CD55: variants seen among roughly 807,000 people sequenced by gnomAD.
CD55 encodes CD55 molecule (Cromer blood group).
Under a neutral mutation model 45.8 loss-of-function variants are expected in CD55, and 41 were observed. The ratio of observed to expected loss-of-function variants is 0.90; its 90% CI spans 0.70 to 1.16. The LOEUF (loss-of-function observed/expected upper bound fraction) is 1.16. CD55 is among the 50% of genes most tolerant of loss of function. The pLI is 0.00. For synonymous variants in CD55, 181 were observed against 181.1 expected (o/e 1.00, Z 0.01); for missense variants, 416 against 469.8 (o/e 0.89, Z 1.06).
At position 207,348,515 on chromosome 1, in the gene CD55, G is replaced by A. The variant is rs543056230; in HGVS notation, c.1081+9098G>A. On this transcript the variant is annotated intron_variant, in intron 9 of 9. Transcript: ENST00000367064. ...TGCAAATATTTTCTCCTTTTCTGTAGGTTGTCTGTTTTCTCTGTTGATATA... is the reference window on the plus strand; with the variant it reads ...TGCAAATATTTTCTCCTTTTCTGTAAGTTGTCTGTTTTCTCTGTTGATATA... Among the ~76,000 whole-genome samples, 28 of 152,154 alleles carry A rather than the reference G, an allele frequency of 1.8e-4. 1 individual carries two copies. The highest frequency in any genetic ancestry group is 6.3e-4 in the African/African-American group (26 of 41,504).
intron 9 of CD55, among the ~76,000 whole-genome samples, chr1:207,356,100 C>T (rs1252742899): frequency 6.6e-6 from 1 of 152,102 alleles, no homozygotes; most frequent in Non-Finnish European, 1.5e-5. Flanking sequence ...ATTTTAATTG[C>T]TCATGTTTCT....
Position 207,359,806 on chromosome 1 carries a change from C to A in CD55, c.*196C>A. ...TCCTGGAATCACATTCTTAGCACAC[C>A]TACACCTCTTGAAAATAGAACAACT... On this transcript the variant is annotated 3_prime_UTR_variant, in exon 10 of 10. Transcript: ENST00000367064. The A allele has an allele frequency of 2.1e-6, 1 of 479,282 alleles. No individual in the cohort carries two copies. Among genetic ancestry groups the A allele is most frequent in the Non-Finnish European group, 3.4e-6 (1 of 292,548 alleles). 29.7% of individuals were successfully genotyped at this position (479,282 alleles called of 1,614,324 possible).
chr1:207,330,911 A>G (rs1011653357), intron 5 of CD55, among the ~76,000 whole-genome samples, 197 bp from the exon 6 acceptor site: 2 of 152,160 alleles, frequency 1.3e-5, no homozygotes, highest in Non-Finnish European at 2.9e-5. Context: ...TGTCTTCTAC[A>G]CCATTTGCAT....
At position 207,360,850 on chromosome 1, in the gene CD55, G is replaced by T. The variant is rs1450097952; in HGVS notation, c.*1240G>T. The stretch of plus-strand genomic sequence containing the variant: ...GATTTATTATGGCAATGTTTATTTT[G>T]TCATTTTGCTTCATCTGTTTTGTTG... On this transcript the variant is annotated 3_prime_UTR_variant, in exon 10 of 10. Coordinates refer to ENST00000367064, the MANE Select transcript of CD55 (RefSeq NM_000574.5). 6.6e-6 allele frequency: 1 copy of T among 151,990 alleles called. No homozygotes were observed. Among genetic ancestry groups the T allele is most frequent in the Non-Finnish European group, 1.5e-5 (1 of 67,950 alleles). The allele number at this position is 151,990 out of a possible 1,614,324, so 9.4% of individuals were successfully genotyped here. A position where few individuals can be genotyped will look rare whatever the true frequency, so the allele number is the denominator to read the frequency against.
chr1:207,339,302 C>G (rs1362172949), intron 8 of CD55, 95 bp from the exon 9 acceptor site: 1 of 817,336 alleles, frequency 1.2e-6, no homozygotes, highest in Non-Finnish European at 2.0e-6. Flanking sequence ...TTCGAGTTTT[C>G]TAGTGTAGTT....
At chr1:207,339,089 A>G (rs1447860976) in intron 8 of CD55, among the ~76,000 whole-genome samples, 2 of 152,150 alleles carry the variant, frequency 1.3e-5, no homozygotes, top group Admixed American at 1.3e-4. Context: ...GTTTTCAAAC[A>G]TGTTTCTTGC....
chr1:207,343,075 T>C (rs1434330274), intron 9 of CD55, among the ~76,000 whole-genome samples: 3 of 152,104 alleles, frequency 2.0e-5, no homozygotes, highest in African/African-American at 7.2e-5. Context: ...TTGGGGCTTC[T>C]CTCTTTTTTT....
chr1:207,353,336 T>A (rs1052864179), intron 9 of CD55, among the ~76,000 whole-genome samples: 1 of 152,110 alleles, frequency 6.6e-6, no homozygotes, highest in African/African-American at 2.4e-5. Flanking sequence ...GACTAATAGA[T>A]CAATTTAAAG....
chr1:207,358,343 A>C (rs1237111458), intron 9 of CD55, among the ~76,000 whole-genome samples: 4 of 152,194 alleles, frequency 2.6e-5, no homozygotes, highest in Admixed American at 2.6e-4. Context: ...TCATTTAATG[A>C]TTCTTCATGT....
intron 9 of CD55, chr1:207,340,826 G>T (rs1655394968): frequency 2.4e-6 from 1 of 408,886 alleles, no homozygotes; most frequent in Non-Finnish European, 4.3e-6. Context: ...GGGATTGCTG[G>T]ATCCTAAGAT....
intron 5 of CD55, among the ~76,000 whole-genome samples, chr1:207,330,154 G>A (rs1654877190): frequency 6.6e-6 from 1 of 152,088 alleles, no homozygotes. Context: ...TGAACCAATG[G>A]TGTGTGTGTC....
At chr1:207,345,897 G>C (rs1045222227) in intron 9 of CD55, among the ~76,000 whole-genome samples, 2 of 152,206 alleles carry the variant, frequency 1.3e-5, no homozygotes, top group Non-Finnish European at 2.9e-5. Context: ...GTTACTAGTG[G>C]AGATTTGCTA....
chr1:207,322,580 T>A lies in CD55; in HGVS notation c.286+13T>A, dbSNP rs746529395. 1 of 1,585,270 alleles carries A rather than the reference T, an allele frequency of 6.3e-7. No individual in the cohort carries two copies. Among genetic ancestry groups the A allele is most frequent in the Admixed American group, 1.9e-5 (1 of 53,094 alleles). ...GAGTTCTGCAATCGTAAGTTCTTCA[T>A]CTTTTTAGAAAAGTTCTGGGAATGG... On this transcript the variant is annotated intron_variant, in intron 2 of 9. Transcript: ENST00000367064.
intron 7 of CD55, 108 bp downstream of exon 7, chr1:207,336,926 A>G (rs141772931): frequency 5.0e-5 from 66 of 1,308,990 alleles, no homozygotes; most frequent in East Asian, 2.3e-4. Flanking sequence ...CCCAGCTACA[A>G]TAGTCACACC....
intron 9 of CD55, among the ~76,000 whole-genome samples, chr1:207,348,043 A>C (rs1039841146): frequency 1.3e-5 from 2 of 152,166 alleles, no homozygotes; most frequent in Admixed American, 6.5e-5. Context: ...ATATGTGTGC[A>C]TATGTCTTTA....
chr1:207,330,294 A>C (rs1211382007), intron 5 of CD55, among the ~76,000 whole-genome samples: 3 of 151,604 alleles, frequency 2.0e-5, no homozygotes, highest in Non-Finnish European at 4.4e-5. Flanking sequence ...GTGTAACATA[A>C]TTTGGCATAC....
At chr1:207,346,834 G>A (rs1231884589) in intron 9 of CD55, among the ~76,000 whole-genome samples, 1 of 152,126 alleles carries the variant, frequency 6.6e-6, no homozygotes, top group Non-Finnish European at 1.5e-5. Flanking sequence ...CTGGAGTAAT[G>A]CCATCACACT....
At chr1:207,325,015 CT>C (rs1484510117) in intron 3 of CD55, among the ~76,000 whole-genome samples, 2 of 152,022 alleles carry the variant, frequency 1.3e-5, no homozygotes, top group Non-Finnish European at 2.9e-5. Flanking sequence ...TTTTTCAAAA[CT>C]TATTATAAAG....
rs768397816 is a variant in CD55, at chr1:207,359,621, G to A, written c.*11G>A. On this transcript the variant is annotated 3_prime_UTR_variant, in exon 10 of 10. Transcript: ENST00000367064. Reference sequence around the variant, plus strand: ...GGCTTGCTGACTTAGCCAAAGAAGAGTTAAGAAGAAAATACACACAAGTAT... The same window carrying A: ...GGCTTGCTGACTTAGCCAAAGAAGAATTAAGAAGAAAATACACACAAGTAT... 1 of 1,581,068 alleles carries A rather than the reference G, an allele frequency of 6.3e-7. No individual in the cohort carries two copies.
Sources: allele counts gnomAD v4.1 joint callset (sites outside exome capture counted in the v4.1 genomes callset), GRCh38; gene constraint gnomAD v4.1.1; transcripts MANE v1.5; gene names NCBI Gene and HGNC (gene_info 2026-07-23, HGNC 2026-07-21).